ENOX1: variants seen among roughly 807,000 people sequenced by gnomAD.
ENOX1 encodes the protein ecto-NOX disulfide-thiol exchanger 1.
A neutral mutation model predicts 82.5 loss-of-function variants in ENOX1; 42 were observed. The observed-to-expected ratio is 0.51, with a 90% confidence interval of 0.40 to 0.66. The LOEUF (loss-of-function observed/expected upper bound fraction) is 0.66. Ranked by LOEUF, ENOX1 falls within the 30% of genes least tolerant of loss-of-function variation. ENOX1 has a pLI of 0.00. For missense variants in ENOX1, 608 were observed against 811.6 expected, an observed-to-expected ratio of 0.75 and a Z score of 3.05; for synonymous variants, 271 against 282.2, an observed-to-expected ratio of 0.96 and a Z score of 0.40.
chr13:43,552,426 C>G (rs2079239940), intron 2 of ENOX1, among the ~76,000 whole-genome samples: 1 of 151,584 alleles, frequency 6.6e-6, no homozygotes. Flanking sequence ...CATTCCTTAG[C>G]TTATTCCCTC....
At chr13:43,372,706 TGAAA>T (rs1405278042) in intron 5 of ENOX1, among the ~76,000 whole-genome samples, 7 of 152,112 alleles carry the variant, frequency 4.6e-5, no homozygotes, top group Admixed American at 2.6e-4. Context: ...ATAAACCATA[TGAAA>T]TAAACTCAAT....
chr13:43,670,235 T>A (rs932996167), intron 1 of ENOX1, among the ~76,000 whole-genome samples: 1 of 152,182 alleles, frequency 6.6e-6, no homozygotes, highest in African/African-American at 2.4e-5. Flanking sequence ...AAACATCTGG[T>A]ACCACTTCCC....
chr13:43,272,494 C>T (rs182952522), intron 12 of ENOX1, among the ~76,000 whole-genome samples: 35 of 152,260 alleles, frequency 2.3e-4, no homozygotes, highest in Non-Finnish European at 4.0e-4. Flanking sequence ...AAGCATTGTT[C>T]GGCTTTCTAA....
chr13:43,742,323 C>T (rs1224033287), intron 1 of ENOX1, among the ~76,000 whole-genome samples: 1 of 151,940 alleles, frequency 6.6e-6, no homozygotes, highest in Admixed American at 6.6e-5. Flanking sequence ...TAGTGTTAGT[C>T]CTGGTCCAAG....
intron 12 of ENOX1, among the ~76,000 whole-genome samples, chr13:43,288,310 G>A (rs772008939): frequency 5.9e-5 from 9 of 152,026 alleles, no homozygotes; most frequent in Non-Finnish European, 1.2e-4. Flanking sequence ...CTTTTAATAT[G>A]AATGTGGGAA....
chr13:43,459,894 T>C (rs910000278), intron 3 of ENOX1, among the ~76,000 whole-genome samples: 5 of 152,268 alleles, frequency 3.3e-5, no homozygotes, highest in African/African-American at 9.6e-5. Context: ...CTCAGGATGC[T>C]GAGGCAGGAG....
At chr13:43,295,402 C>A (rs1012207061) in intron 12 of ENOX1, among the ~76,000 whole-genome samples, 1 of 152,120 alleles carries the variant, frequency 6.6e-6, no homozygotes, top group Non-Finnish European at 1.5e-5. Flanking sequence ...ACAAAGTCAC[C>A]CAAGAGTTTT....
rs530601690 is a variant in ENOX1 at position 43,548,963 on chromosome 13, C to T, written c.-218-64811G>A. ...ATTTAAAAAAAACAACCAAAAAAAA[C>T]CCTCTTCCTAGAGTCTCTCCTTTTG... On this transcript the variant is annotated intron_variant, in intron 2 of 16. Coordinates refer to ENST00000690772, the MANE Select transcript of ENOX1 (RefSeq NM_001347969.2). 3.3e-5 allele frequency among the ~76,000 whole-genome samples: 5 copies of T among 152,220 alleles called. No individual in the cohort carries two copies. In the South Asian group the frequency reaches 1.0e-3, roughly 32 times the overall value.
At chr13:43,683,954 T>C (rs1404049819) in intron 1 of ENOX1, among the ~76,000 whole-genome samples, 1 of 152,094 alleles carries the variant, frequency 6.6e-6, no homozygotes, top group East Asian at 1.9e-4. Context: ...CTAATGAAGA[T>C]GTACATGTCT....
At chr13:43,405,715 C>T (rs1476775691) in intron 5 of ENOX1, among the ~76,000 whole-genome samples, 1 of 152,198 alleles carries the variant, frequency 6.6e-6, no homozygotes, top group African/African-American at 2.4e-5. Flanking sequence ...ATCTGTACTG[C>T]TCAGGATAAT....
chr13:43,241,159 T>C lies in ENOX1; in HGVS notation c.1612-4421A>G, dbSNP rs532011985. Among the ~76,000 whole-genome samples the C allele has an allele frequency of 2.0e-5, 3 of 152,332 alleles. No homozygotes were observed. In the South Asian group the frequency reaches 6.2e-4, roughly 32 times the overall value. ...ATTACACATGGTTTTGCTCCTTTCT[T>C]AAAAAGTTCATGGTCCTTATTACTC... On this transcript the variant is annotated intron_variant, in intron 14 of 16. Transcript: ENST00000690772.
intron 5 of ENOX1, among the ~76,000 whole-genome samples, chr13:43,411,464 T>C (rs2153598588): frequency 6.6e-6 from 1 of 152,358 alleles, no homozygotes; most frequent in East Asian, 1.9e-4. Flanking sequence ...TTTATAGCTC[T>C]GCCATTTCAA....
intron 9 of ENOX1, among the ~76,000 whole-genome samples, chr13:43,334,738 C>T (rs899336075): frequency 6.6e-6 from 1 of 152,172 alleles, no homozygotes; most frequent in African/African-American, 2.4e-5. Flanking sequence ...AAAGTCCCTA[C>T]TTTTTTTGTG....
intron 3 of ENOX1, among the ~76,000 whole-genome samples, chr13:43,451,316 A>G (rs2056953899): frequency 6.6e-6 from 1 of 152,206 alleles, no homozygotes; most frequent in Admixed American, 6.5e-5. Context: ...AACCTGCTCT[A>G]GGTCATTTAG....
intron 2 of ENOX1, among the ~76,000 whole-genome samples, chr13:43,498,534 T>G (rs1384199716): frequency 1.3e-5 from 2 of 151,774 alleles, no homozygotes; most frequent in African/African-American, 4.8e-5. Context: ...AAGAATAAAA[T>G]AATGATCCAT....
At chr13:43,348,184 A>G (rs757994370) in intron 8 of ENOX1, among the ~76,000 whole-genome samples, 3 of 152,194 alleles carry the variant, frequency 2.0e-5, no homozygotes, top group Non-Finnish European at 4.4e-5. Flanking sequence ...GCCCTTTAAT[A>G]AAGAAATCTC....
At chr13:43,439,802 C>A (rs745940782) in intron 3 of ENOX1, among the ~76,000 whole-genome samples, 2 of 152,094 alleles carry the variant, frequency 1.3e-5, no homozygotes, top group Non-Finnish European at 2.9e-5. Flanking sequence ...AAGCACTGAC[C>A]TAGCAAAACA....
At chr13:43,300,710 G>A (rs1037319726) in intron 11 of ENOX1, among the ~76,000 whole-genome samples, 2 of 152,232 alleles carry the variant, frequency 1.3e-5, no homozygotes, top group African/African-American at 4.8e-5. Context: ...ACCACTGACA[G>A]CGCTTGGAGT....
chr13:43,415,237 T>TG (rs1191260471), intron 3 of ENOX1, among the ~76,000 whole-genome samples: 2 of 134,126 alleles, frequency 1.5e-5, no homozygotes, highest in Admixed American at 7.2e-5. Context: ...CCAATGTTTT[T>TG]TTTTTTTTTT....
Sources: allele counts gnomAD v4.1 joint callset (sites outside exome capture counted in the v4.1 genomes callset), GRCh38; gene constraint gnomAD v4.1.1; transcripts MANE v1.5; gene names NCBI Gene and HGNC (gene_info 2026-07-23, HGNC 2026-07-21).